DPP6: variants seen among roughly 807,000 people sequenced by gnomAD.
The protein encoded by DPP6 is A-type potassium channel modulatory protein DPP6.
Under a neutral mutation model 122.6 loss-of-function variants are expected in DPP6, and 69 were observed. That is an observed-to-expected ratio of 0.56 (90% CI 0.46 to 0.69). DPP6 has a LOEUF of 0.69. Ranked by LOEUF, DPP6 falls within the 30% of genes least tolerant of loss-of-function variation. DPP6 has a pLI of 0.00. For missense variants in DPP6, 928 were observed against 1,116.9 expected (o/e 0.83, Z 2.41); for synonymous variants, 418 against 433.1 (o/e 0.97, Z 0.43).
At chr7:154,769,138 GA>G (rs1178944720) in intron 8 of DPP6, among the ~76,000 whole-genome samples, 7 of 151,196 alleles carry the variant, frequency 4.6e-5, no homozygotes, top group East Asian at 1.9e-4. Flanking sequence ...TGTGTGCAAA[GA>G]AAAAAAAAGT....
chr7:154,162,908 T>C (rs1797052920), intron 1 of DPP6, among the ~76,000 whole-genome samples: 3 of 152,024 alleles, frequency 2.0e-5, no homozygotes, highest in Non-Finnish European at 2.9e-5. Flanking sequence ...TTGCTAGTGC[T>C]GTAAGGAACT....
chr7:153,967,638 GTC>G lies in DPP6; in HGVS notation c.51+79912_51+79913del, dbSNP rs71724136. 9.0e-3 allele frequency among the ~76,000 whole-genome samples: 1,364 copies of G among 152,210 alleles called. 17 individuals carry two copies. Among genetic ancestry groups the G allele is most frequent in the African/African-American group, 0.031 (1,298 of 41,516 alleles). ...AGCTCGTGTCCAACCTAACATCAGT[GTC>G]TCTCTCTGATTTCCTTTTGCGAGCT... On this transcript the variant is annotated intron_variant, in intron 1 of 25. Transcript: ENST00000404039.
At chr7:154,297,210 G>T (rs1805602173) in intron 1 of DPP6, among the ~76,000 whole-genome samples, 1 of 152,042 alleles carries the variant, frequency 6.6e-6, no homozygotes, top group African/African-American at 2.4e-5. Flanking sequence ...TAGACCAGGG[G>T]TGGGCAAATT....
chr7:154,716,182 A>G (rs1841473096), intron 7 of DPP6, among the ~76,000 whole-genome samples: 1 of 152,114 alleles, frequency 6.6e-6, no homozygotes, highest in Non-Finnish European at 1.5e-5. Flanking sequence ...TTCTGAAATG[A>G]AAATCTGATT....
chr7:154,413,726 C>T (rs1048094491), intron 1 of DPP6, among the ~76,000 whole-genome samples: 1 of 152,022 alleles, frequency 6.6e-6, no homozygotes, highest in African/African-American at 2.4e-5. Flanking sequence ...TTCTTTGTAA[C>T]TGCTTGAAAA....
chr7:154,508,639 A>G (rs1024917845), intron 3 of DPP6, among the ~76,000 whole-genome samples: 2 of 152,178 alleles, frequency 1.3e-5, no homozygotes, highest in Non-Finnish European at 2.9e-5. Flanking sequence ...GAACCAGTGC[A>G]TGTCACTTCT....
chr7:154,082,358 G>A (rs983030884), intron 1 of DPP6, among the ~76,000 whole-genome samples: 5 of 152,262 alleles, frequency 3.3e-5, no homozygotes, highest in East Asian at 1.9e-4. Context: ...AGGAGAAAAC[G>A]AAATCCAGGG....
At chr7:154,063,142 G>GCA (rs1802274584) in intron 1 of DPP6, among the ~76,000 whole-genome samples, 3 of 127,658 alleles carry the variant, frequency 2.4e-5, no homozygotes, top group East Asian at 2.4e-4. Flanking sequence ...CCACGAGAGT[G>GCA]GGGACTGAGA....
chr7:153,977,401 A>G (rs1292931656), intron 1 of DPP6, among the ~76,000 whole-genome samples: 1 of 152,226 alleles, frequency 6.6e-6, no homozygotes, highest in Non-Finnish European at 1.5e-5. Flanking sequence ...CACAATCAGT[A>G]CTGGGCTTCA....
the DPP6 span, among the ~76,000 whole-genome samples, chr7:153,763,377 GAAA>G: frequency 7.8e-6 from 1 of 128,708 alleles, no homozygotes. Flanking sequence ...GTACAAGTAA[GAAA>G]AAAAAAAAAA....
intron 8 of DPP6, among the ~76,000 whole-genome samples, chr7:154,748,098 T>C (rs1299825802): frequency 6.6e-6 from 1 of 152,152 alleles, no homozygotes; most frequent in African/African-American, 2.4e-5. Context: ...CCTGAACTCC[T>C]CCCGCTTCCG....
chr7:154,237,564 C>T (rs1425541933), intron 1 of DPP6, among the ~76,000 whole-genome samples: 1 of 152,166 alleles, frequency 6.6e-6, no homozygotes. Context: ...CATTCACTGT[C>T]CCACCTTCCC....
chr7:154,086,954 T>A (rs1340975952), intron 1 of DPP6, among the ~76,000 whole-genome samples: 1 of 152,168 alleles, frequency 6.6e-6, no homozygotes, highest in Non-Finnish European at 1.5e-5. Context: ...CCCACACATA[T>A]AACATTACAC....
intron 10 of DPP6, among the ~76,000 whole-genome samples, chr7:154,778,066 C>T (rs921636635): frequency 2.0e-4 from 31 of 152,290 alleles, no homozygotes; most frequent in African/African-American, 7.2e-4. Flanking sequence ...CTCATAGGCA[C>T]TTATGTCGAA....
At chr7:153,803,978 T>C in the DPP6 span, among the ~76,000 whole-genome samples, 5 of 151,896 alleles carry the variant, frequency 3.3e-5, no homozygotes, top group Admixed American at 6.6e-5. Context: ...TTTCAAGTCT[T>C]TGCTCAAATG....
At position 154,005,169 on chromosome 7, in the gene DPP6, G is replaced by T. The variant is rs1465713361; in HGVS notation, c.51+117435G>T. Among the ~76,000 whole-genome samples, 7 of 152,146 alleles carry T rather than the reference G, an allele frequency of 4.6e-5. No homozygotes were observed. The South Asian group carries it at 6.2e-4, about 14-fold the overall frequency. On this transcript the variant is annotated intron_variant, in intron 1 of 25. Coordinates refer to the DPP6 transcript ENST00000404039. ...GAAAGAAGCCAAGACTATCTGAAAA[G>T]GCCTATTTTTCAGATTTCATCTTGG...
intron 1 of DPP6, among the ~76,000 whole-genome samples, chr7:154,314,179 C>G (rs938487318): frequency 2.0e-5 from 3 of 152,164 alleles, no homozygotes; most frequent in African/African-American, 7.2e-5. Flanking sequence ...GCTCCTCCAC[C>G]TGCTAGCTGA....
the DPP6 span, among the ~76,000 whole-genome samples, chr7:153,859,356 G>A: frequency 5.6e-3 from 852 of 152,308 alleles, 7 homozygotes; most frequent in Middle Eastern, 0.02. Context: ...CTGGAGTCGG[G>A]AGGCTGGCAT....
chr7:154,303,791 C>T (rs1313964475), intron 1 of DPP6, among the ~76,000 whole-genome samples: 1 of 152,152 alleles, frequency 6.6e-6, no homozygotes, highest in African/African-American at 2.4e-5. Flanking sequence ...CGTACTCAGA[C>T]CAGAATTAAG....
Sources: allele counts gnomAD v4.1 joint callset (sites outside exome capture counted in the v4.1 genomes callset), GRCh38; gene constraint gnomAD v4.1.1; transcripts MANE v1.5; gene names NCBI Gene and HGNC (gene_info 2026-07-23, HGNC 2026-07-21).